Variants in EPB41L2 observed in about 807,000 individuals in gnomAD.
EPB41L2 encodes the protein band 4.1-like protein 2.
EPB41L2 carries 43 observed loss-of-function variants against 113.0 expected under a neutral mutation model. The ratio of observed to expected loss-of-function variants is 0.38; its 90% CI spans 0.30 to 0.49. The LOEUF (loss-of-function observed/expected upper bound fraction) is 0.49. EPB41L2 is among the 20% of genes least tolerant of loss of function. The probability of loss-of-function intolerance (pLI) is 0.95; values close to 1 mark genes in which losing one functional copy is unlikely to be tolerated. For synonymous variants in EPB41L2, 442 were observed against 436.7 expected (o/e 1.01, Z -0.15); for missense variants, 1,147 against 1,223.4 (o/e 0.94, Z 0.93).
At chr6:130,923,910 T>C (rs1803729455) in intron 4 of EPB41L2, among the ~76,000 whole-genome samples, 1 of 152,212 alleles carries the variant, frequency 6.6e-6, no homozygotes, top group African/African-American at 2.4e-5. Flanking sequence ...TACATTCTCA[T>C]TGTCCAACAG....
chr6:131,032,625 G>A (rs1792414445), intron 1 of EPB41L2, among the ~76,000 whole-genome samples: 1 of 151,878 alleles, frequency 6.6e-6, no homozygotes, highest in Non-Finnish European at 1.5e-5. Context: ...AAAAGTAACA[G>A]AAAAAAATTC....
At chr6:131,026,722 A>G (rs965083910) in intron 1 of EPB41L2, among the ~76,000 whole-genome samples, 5 of 152,112 alleles carry the variant, frequency 3.3e-5, no homozygotes, top group African/African-American at 1.2e-4. Flanking sequence ...TTTCAATGCT[A>G]CTTTCACCAT....
intron 1 of EPB41L2, among the ~76,000 whole-genome samples, chr6:131,041,323 T>C (rs1237356798): frequency 6.6e-6 from 1 of 152,198 alleles, no homozygotes; most frequent in Non-Finnish European, 1.5e-5. Context: ...ATAATGTATC[T>C]AGGCAATAAT....
chr6:130,855,128 C>A (rs1255219231), intron 19 of EPB41L2, among the ~76,000 whole-genome samples: 2 of 151,956 alleles, frequency 1.3e-5, no homozygotes. Flanking sequence ...GCAGGCAGAT[C>A]ACTTGAGAAC....
chr6:130,951,131 T>C (rs1814781347), intron 3 of EPB41L2, among the ~76,000 whole-genome samples: 1 of 151,350 alleles, frequency 6.6e-6, no homozygotes, highest in Non-Finnish European at 1.5e-5. Context: ...GTGGCATGCA[T>C]CTGTAATCCC....
intron 14 of EPB41L2, among the ~76,000 whole-genome samples, chr6:130,874,551 C>A (rs544831976): frequency 2.8e-4 from 42 of 151,802 alleles, no homozygotes; most frequent in Non-Finnish European, 5.2e-4. Context: ...TAAAGAAAAA[C>A]AAAAAAGATA....
chr6:130,921,462 C>T (rs995388861), intron 4 of EPB41L2, among the ~76,000 whole-genome samples: 4 of 152,168 alleles, frequency 2.6e-5, no homozygotes, highest in Non-Finnish European at 5.9e-5. Flanking sequence ...TGCCAGCTTG[C>T]CTACCCCTCA....
intron 1 of EPB41L2, among the ~76,000 whole-genome samples, chr6:131,005,739 T>C (rs1432478398): frequency 1.3e-5 from 2 of 152,222 alleles, no homozygotes; most frequent in East Asian, 3.8e-4. Context: ...CACCAAGAAC[T>C]GGCTTTCAAT....
chr6:130,923,029 C>T (rs990998199), intron 4 of EPB41L2, among the ~76,000 whole-genome samples: 3 of 152,128 alleles, frequency 2.0e-5, no homozygotes, highest in Non-Finnish European at 4.4e-5. Flanking sequence ...CTCATGATAT[C>T]CCCTACCAAC....
intron 8 of EPB41L2, among the ~76,000 whole-genome samples, chr6:130,895,704 C>G (rs532454176): frequency 6.6e-6 from 1 of 152,174 alleles, no homozygotes; most frequent in Non-Finnish European, 1.5e-5. Flanking sequence ...ACTTAGAATG[C>G]TGACATCCAG....
chr6:131,030,588 C>T (rs146906696), intron 1 of EPB41L2, among the ~76,000 whole-genome samples: 62 of 152,276 alleles, frequency 4.1e-4, no homozygotes, highest in African/African-American at 1.4e-3. Flanking sequence ...TTTTCAATCG[C>T]TTACCTCAGT....
intron 1 of EPB41L2, among the ~76,000 whole-genome samples, chr6:131,054,244 C>G (rs73625616): frequency 0.017 from 2,558 of 152,232 alleles, 82 homozygotes; most frequent in African/African-American, 0.057. Flanking sequence ...AGACTTGTAA[C>G]GGGGTTTCTC....
Position 131,006,342 on chromosome 6 carries a change from C to G in EPB41L2, c.-14-49843G>C, listed in dbSNP as rs182510288. Reference sequence around the variant, plus strand: ...AAAGTGCTGGGATTACAGGCATGAGCCACCGCACCCGACGAACTTCTTTTT... The same window carrying G: ...AAAGTGCTGGGATTACAGGCATGAGGCACCGCACCCGACGAACTTCTTTTT... On this transcript the variant is annotated intron_variant, in intron 1 of 19. Transcript: ENST00000337057. Among the ~76,000 whole-genome samples, 933 of 151,196 alleles carry G rather than the reference C, an allele frequency of 6.2e-3. 13 individuals carry two copies. The highest frequency in any genetic ancestry group is 0.021 in the African/African-American group (876 of 41,372).
intron 1 of EPB41L2, among the ~76,000 whole-genome samples, chr6:131,030,787 T>C (rs1456069807): frequency 6.6e-6 from 1 of 151,970 alleles, no homozygotes; most frequent in Non-Finnish European, 1.5e-5. Flanking sequence ...AATAGTGTAT[T>C]GAGAGGCAGG....
At chr6:130,901,854 T>C (rs1045805796) in intron 6 of EPB41L2, among the ~76,000 whole-genome samples, 1 of 152,214 alleles carries the variant, frequency 6.6e-6, no homozygotes, top group Non-Finnish European at 1.5e-5. Flanking sequence ...GAACATTAGA[T>C]AATATAAATA....
chr6:130,913,085 T>G (rs1399768814), intron 4 of EPB41L2, among the ~76,000 whole-genome samples: 2 of 152,200 alleles, frequency 1.3e-5, no homozygotes, highest in African/African-American at 4.8e-5. Context: ...ACTAACCCTG[T>G]GTCCCAGCCA....
rs540801114 is a variant in EPB41L2, at chr6:130,999,500, T to C, written c.-14-43001A>G. Among the ~76,000 whole-genome samples, 3 of 152,346 alleles carry C rather than the reference T, an allele frequency of 2.0e-5. No individual in the cohort carries two copies. The South Asian group carries it at 6.2e-4, about 32-fold the overall frequency. On this transcript the variant is annotated intron_variant, in intron 1 of 19. Coordinates refer to ENST00000337057, the MANE Select transcript of EPB41L2 (RefSeq NM_001431.4). ...AAACAGCACTCTACTGGAACAAATA[T>C]TATTTCGGCACATTTGTAGTAAGAA...
At chr6:130,930,572 G>C (rs1379483334) in intron 3 of EPB41L2, among the ~76,000 whole-genome samples, 1 of 152,154 alleles carries the variant, frequency 6.6e-6, no homozygotes, top group Non-Finnish European at 1.5e-5. Flanking sequence ...CGCAGATGTA[G>C]ACACTGGTAT....
intron 3 of EPB41L2, among the ~76,000 whole-genome samples, chr6:130,938,698 C>T (rs1809757027): frequency 6.6e-6 from 1 of 152,112 alleles, no homozygotes; most frequent in African/African-American, 2.4e-5. Flanking sequence ...TTTTTTACTT[C>T]TCTTGGCTTC....
Sources: allele counts gnomAD v4.1 joint callset (sites outside exome capture counted in the v4.1 genomes callset), GRCh38; gene constraint gnomAD v4.1.1; transcripts MANE v1.5; gene names NCBI Gene and HGNC (gene_info 2026-07-23, HGNC 2026-07-21).